Variants in SYAP1 observed in about 807,000 individuals in gnomAD.
The protein encoded by SYAP1 is synapse-associated protein 1.
In SYAP1, 3 loss-of-function variants were observed where a neutral mutation model predicts 29.6. That is an observed-to-expected ratio of 0.10 (90% CI 0.05 to 0.26). The LOEUF (loss-of-function observed/expected upper bound fraction) is 0.26, where lower values mean the gene tolerates loss of function less well. Among genes scored for constraint, SYAP1 ranks in the 10% least tolerant of loss-of-function variants. SYAP1 has a pLI of 1.00. For missense variants in SYAP1, 217 were observed against 264.1 expected (o/e 0.82, Z 1.24); for synonymous variants, 102 against 102.7 (o/e 0.99, Z 0.04).
intron 1 of SYAP1, among the ~76,000 whole-genome samples, chrX:16,726,740 G>A (rs148321891): frequency 0.01 from 1,126 of 111,575 alleles, 28 homozygotes; most frequent in Admixed American, 0.075. Context: ...TCATTATGGG[G>A]CACTGAATGC....
intron 4 of SYAP1, among the ~76,000 whole-genome samples, chrX:16,743,139 C>G (rs1310706606): frequency 2.8e-5 from 3 of 107,335 alleles, no homozygotes; most frequent in Non-Finnish European, 5.8e-5. Flanking sequence ...ACCAGCCTGG[C>G]CAACATGGCG....
Position 16,735,224 on chromosome X carries a change from C to T in SYAP1, c.176-3C>T, listed in dbSNP as rs760866479. 8.8e-7 allele frequency: 1 copy of T among 1,130,532 alleles called. No individual in the cohort carries two copies. Among genetic ancestry groups the T allele is most frequent in the South Asian group, 1.9e-5 (1 of 52,195 alleles). The allele number at this position is 1,130,532 out of a possible 1,213,427, so 93.2% of individuals were successfully genotyped here. On this transcript the variant is annotated splice_polypyrimidine_tract_variant and splice_region_variant and intron_variant, in intron 1 of 8. Transcript: ENST00000380155. ...AACCACAGATTCTTTTTATTCTTTA[C>T]AGACTATTTATTTAACTTTGCATCT...
At position 16,751,670 on chromosome X, in the gene SYAP1, TTTTTC is replaced by T. The variant is rs1230382732; in HGVS notation, c.576-3265_576-3261del. On this transcript the variant is annotated intron_variant, in intron 5 of 8. Transcript: ENST00000380155. ...ATGTATATGTGCTTTTTTAATGCTT[TTTTTC>T]TTTTCTTTTTTTTTTTTTTTGATAC... Among the ~76,000 whole-genome samples, 221 of 108,012 alleles carry T rather than the reference TTTTTC, an allele frequency of 2.0e-3. 1 individual carries two copies. The highest frequency in any genetic ancestry group is 6.8e-3 in the African/African-American group (201 of 29,616). The allele number at this position is 108,012 out of a possible 115,157, so 93.8% of individuals were successfully genotyped here. A position where few individuals can be genotyped will look rare whatever the true frequency, so the allele number is the denominator to read the frequency against.
At chrX:16,732,326 A>G (rs1926226379) in intron 1 of SYAP1, among the ~76,000 whole-genome samples, 1 of 110,700 alleles carries the variant, frequency 9.0e-6, no homozygotes, top group African/African-American at 3.3e-5. Context: ...GGAAAGGCCT[A>G]GGCAAAAAAC....
intron 8 of SYAP1, among the ~76,000 whole-genome samples, chrX:16,758,433 C>T (rs1203898469): frequency 1.9e-5 from 2 of 108,082 alleles, no homozygotes; most frequent in East Asian, 5.9e-4. Context: ...CTGCAACCTC[C>T]ACCTCCTGGA....
At chrX:16,754,581 A>G (rs2147436602) in intron 5 of SYAP1, among the ~76,000 whole-genome samples, 1 of 110,948 alleles carries the variant, frequency 9.0e-6, no homozygotes, top group Admixed American at 9.7e-5. Context: ...TACAAAAATT[A>G]GCTGTGCATG....
chrX:16,730,384 T>A (rs1286183852), intron 1 of SYAP1, among the ~76,000 whole-genome samples: 2 of 112,863 alleles, frequency 1.8e-5, no homozygotes, highest in Admixed American at 9.4e-5. Context: ...AACAAAAATC[T>A]GTTTCTTCAG....
chrX:16,737,581 G>A (rs1442065165), intron 3 of SYAP1, among the ~76,000 whole-genome samples: 1 of 111,742 alleles, frequency 8.9e-6, no homozygotes, highest in East Asian at 2.8e-4. Flanking sequence ...GGGACTTGCT[G>A]TAGGAGCTGA....
intron 5 of SYAP1, among the ~76,000 whole-genome samples, chrX:16,746,639 A>G (rs1204001562): frequency 7.2e-5 from 8 of 110,565 alleles, no homozygotes; most frequent in African/African-American, 9.9e-5. Context: ...GTGGAGTCCA[A>G]TGGCTTGATC....
Position 16,755,038 on chromosome X carries a change from G to A in SYAP1, c.669G>A (p.Gln223=). Residue 223 remains glutamine, a synonymous_variant, in exon 6 of 9, where the codon CAG becomes CAA. Transcript: ENST00000380155. ...TCACGGCCCTGGCTGCCCAACAGCAGGCCGCAGGGAAGGAGGAGAAGAGCA... is the reference window on the plus strand; with the variant it reads ...TCACGGCCCTGGCTGCCCAACAGCAAGCCGCAGGGAAGGAGGAGAAGAGCA... The part of the protein sequence containing the change: ...AQLTALAAQQ[Q]AAGKEEKSNG... 8.3e-7 allele frequency: 1 copy of A among 1,211,616 alleles called. No homozygotes were observed. The highest frequency in any genetic ancestry group is 1.1e-6 in the Non-Finnish European group (1 of 895,358).
At chrX:16,723,142 C>T (rs767747262) in intron 1 of SYAP1, among the ~76,000 whole-genome samples, 1 of 111,984 alleles carries the variant, frequency 8.9e-6, no homozygotes, top group African/African-American at 3.2e-5. Flanking sequence ...GTTAGACTGT[C>T]CTCCTTTTCT....
At chrX:16,719,966 G>T (rs994890123) in intron 1 of SYAP1, 67 bp downstream of exon 1, 2 of 1,079,068 alleles carry the variant, frequency 1.9e-6, no homozygotes, top group Non-Finnish European at 2.5e-6. Flanking sequence ...CGGCCCTGGG[G>T]CGCGGGCCCG....
At chrX:16,722,060 T>C (rs1394237601) in intron 1 of SYAP1, among the ~76,000 whole-genome samples, 1 of 111,724 alleles carries the variant, frequency 9.0e-6, no homozygotes, top group Non-Finnish European at 1.9e-5. Context: ...AAGGTTCTAG[T>C]TCATATACAA....
rs761280526 is a variant in SYAP1 at position 16,737,859 on chromosome X, G to A, written c.361+1627G>A. Among the ~76,000 whole-genome samples, 5 of 112,136 alleles carry A rather than the reference G, an allele frequency of 4.5e-5. No individual in the cohort carries two copies. In the South Asian group the frequency reaches 1.5e-3, roughly 33 times the overall value. On this transcript the variant is annotated intron_variant, in intron 3 of 8. Transcript: ENST00000380155. The stretch of plus-strand genomic sequence containing the variant: ...TGCAGAAAGTTCGTTTGCTCAGTGT[G>A]GCTCTGAATTAAATAAGCAGGCTCC...
intron 5 of SYAP1, among the ~76,000 whole-genome samples, chrX:16,748,993 A>G (rs1292927972): frequency 9.1e-6 from 1 of 110,189 alleles, no homozygotes; most frequent in African/African-American, 3.3e-5. Flanking sequence ...TTGACCTTGC[A>G]ATCTGCCTGC....
intron 8 of SYAP1, among the ~76,000 whole-genome samples, chrX:16,760,012 C>G (rs1032670983): frequency 8.9e-6 from 1 of 112,398 alleles, no homozygotes; most frequent in Non-Finnish European, 1.9e-5. Flanking sequence ...ACATCTGATA[C>G]CTTTGCTTCT....
At chrX:16,728,346 T>C (rs1382786905) in intron 1 of SYAP1, among the ~76,000 whole-genome samples, 1 of 111,758 alleles carries the variant, frequency 8.9e-6, no homozygotes, top group Non-Finnish European at 1.9e-5. Context: ...TAGAGCTTTA[T>C]AGCTGATTAT....
intron 5 of SYAP1, among the ~76,000 whole-genome samples, chrX:16,751,277 C>T (rs1312754964): frequency 1.9e-5 from 2 of 105,899 alleles, no homozygotes; most frequent in Non-Finnish European, 3.9e-5. Context: ...ACAGTGAAAC[C>T]CCGTCTCTAC....
chrX:16,760,346 A>G lies in SYAP1; in HGVS notation c.1046A>G (p.Gln349Arg). 8.4e-7 allele frequency: 1 copy of G among 1,194,256 alleles called. No homozygotes were observed. The highest frequency in any genetic ancestry group is 1.1e-6 in the Non-Finnish European group (1 of 889,201). The change falls in exon 9 of 9, where the codon CAA becomes CGA. Residue 349 changes from glutamine (Q) to arginine (R), a missense_variant. Transcript: ENST00000380155. ...NWDKEIEKML[Q>R]EEN Reference sequence around the variant, plus strand: ...GATAAGGAAATAGAGAAAATGCTTCAAGAGGAAAATTAGCTGTTCCTGAAA... The same window carrying G: ...GATAAGGAAATAGAGAAAATGCTTCGAGAGGAAAATTAGCTGTTCCTGAAA...
Sources: gnomAD v4.1 joint callset for allele counts (sites outside exome capture counted in the v4.1 genomes callset) on GRCh38, gnomAD v4.1.1 for gene constraint, MANE v1.5 for transcripts, NCBI Gene and HGNC (gene_info 2026-07-23, HGNC 2026-07-21) for gene names.